HMCN1: variants seen among roughly 807,000 people sequenced by gnomAD.
HMCN1 encodes the protein hemicentin 1.
HMCN1 carries 321 observed loss-of-function variants against 625.9 expected under a neutral mutation model. The observed-to-expected ratio is 0.51, with a 90% CI of 0.47 to 0.56. The LOEUF is 0.56. Among genes scored for constraint, HMCN1 ranks in the 20% least tolerant of loss-of-function variants. HMCN1 has a pLI of 0.00. For synonymous variants in HMCN1, 2,425 were observed against 2,417.6 expected (o/e 1.00, Z -0.09); for missense variants, 6,588 against 6,887.3 (o/e 0.96, Z 1.54).
chr1:185,823,354 T>C (rs1048233376), intron 1 of HMCN1, among the ~76,000 whole-genome samples: 1 of 152,166 alleles, frequency 6.6e-6, no homozygotes, highest in African/African-American at 2.4e-5. Context: ...TTCTGTAATA[T>C]ACAAGGCAAA....
intron 11 of HMCN1, among the ~76,000 whole-genome samples, chr1:185,946,923 T>G (rs1428586091): frequency 6.6e-6 from 1 of 152,192 alleles, no homozygotes; most frequent in Non-Finnish European, 1.5e-5. Flanking sequence ...TGATGCATAT[T>G]TGCCATTAAG....
intron 81 of HMCN1, 51 bp downstream of exon 81, chr1:186,123,271 G>T (rs1462510126): frequency 6.3e-7 from 1 of 1,579,426 alleles, no homozygotes; most frequent in Non-Finnish European, 8.6e-7. Flanking sequence ...CCATGGCAAA[G>T]AGAAAAGGCT....
rs184482908 is a variant in HMCN1 at position 185,856,443 on chromosome 1, G to A, written c.340-8027G>A. 3.9e-4 allele frequency among the ~76,000 whole-genome samples: 58 copies of A among 150,316 alleles called. No individual in the cohort carries two copies. The East Asian group carries it at 0.01, about 26-fold the overall frequency. ...AGGTGGAGTTGCGGTGAGTGAGATC[G>A]CGCCACTGCACTCCAGCCTGGGCGA... is the stretch of plus-strand genomic sequence containing the variant. On this transcript the variant is annotated intron_variant, in intron 2 of 106. Transcript: ENST00000271588.
At chr1:185,988,707 G>A (rs781605638) in intron 20 of HMCN1, among the ~76,000 whole-genome samples, 2 of 152,148 alleles carry the variant, frequency 1.3e-5, no homozygotes, top group Non-Finnish European at 2.9e-5. Context: ...CTAGAGCCTC[G>A]CTGCTGGATT....
chr1:185,892,662 G>C (rs968426775), intron 4 of HMCN1, among the ~76,000 whole-genome samples: 1 of 152,054 alleles, frequency 6.6e-6, no homozygotes, highest in Non-Finnish European at 1.5e-5. Context: ...GAGGCAGTCT[G>C]CCCGTTCTCA....
intron 100 of HMCN1, 110 bp downstream of exon 100, chr1:186,167,052 T>C: frequency 7.4e-7 from 1 of 1,356,632 alleles, no homozygotes; most frequent in Non-Finnish European, 1.0e-6. Flanking sequence ...AGGGACCACA[T>C]AAAAGGGAGA....
chr1:186,030,207 T>C lies in HMCN1; in HGVS notation c.5749+7054T>C, dbSNP rs576888374. On this transcript the variant is annotated intron_variant, in intron 36 of 106. Transcript: ENST00000271588. Reference sequence around the variant, plus strand: ...TGGTGGAGTAGTCTATGTGTGCCACTTGCGTTATAGGTTGTGCAAGTCTTC... The same window carrying C: ...TGGTGGAGTAGTCTATGTGTGCCACCTGCGTTATAGGTTGTGCAAGTCTTC... 7.9e-5 allele frequency among the ~76,000 whole-genome samples: 12 copies of C among 152,264 alleles called. No individual in the cohort carries two copies. In the South Asian group the frequency reaches 2.5e-3, roughly 32 times the overall value.
intron 45 of HMCN1, 70 bp from the exon 46 acceptor site, chr1:186,057,164 A>G (rs1160853416): frequency 1.6e-6 from 2 of 1,212,716 alleles, no homozygotes; most frequent in Non-Finnish European, 2.4e-6. Flanking sequence ...GATATACAAC[A>G]TCAGGTATAT....
intron 15 of HMCN1, among the ~76,000 whole-genome samples, chr1:185,973,976 A>C (rs1439140377): frequency 6.6e-6 from 1 of 152,186 alleles, no homozygotes; most frequent in African/African-American, 2.4e-5. Flanking sequence ...GAGTATATAT[A>C]TATTTAATTT....
chr1:186,032,672 A>G (rs1241685905), intron 36 of HMCN1, among the ~76,000 whole-genome samples: 1 of 152,026 alleles, frequency 6.6e-6, no homozygotes, highest in South Asian at 2.1e-4. Context: ...TCTTTCCTTT[A>G]TAAATTACCC....
chr1:186,045,925 C>T (rs921448961), intron 41 of HMCN1, 62 bp downstream of exon 41: 8 of 1,209,748 alleles, frequency 6.6e-6, no homozygotes, highest in African/African-American at 1.5e-5. Flanking sequence ...TTTGGTATTA[C>T]CCTATTTAGC....
At chr1:185,954,616 T>C (rs1338384895) in intron 11 of HMCN1, among the ~76,000 whole-genome samples, 1 of 152,076 alleles carries the variant, frequency 6.6e-6, no homozygotes, top group Non-Finnish European at 1.5e-5. Flanking sequence ...TAAAAACATC[T>C]AAAAATGTAT....
intron 57 of HMCN1, among the ~76,000 whole-genome samples, chr1:186,085,314 T>C (rs540040274): frequency 5.9e-5 from 9 of 152,208 alleles, no homozygotes; most frequent in Admixed American, 2.0e-4. Flanking sequence ...GGCCGGAAAG[T>C]CCAAGATCAA....
At chr1:186,021,315 G>C (rs1288723273) in intron 35 of HMCN1, among the ~76,000 whole-genome samples, 1 of 152,044 alleles carries the variant, frequency 6.6e-6, no homozygotes, top group Non-Finnish European at 1.5e-5. Flanking sequence ...CAAGTTTGAG[G>C]TGAGAAAACT....
chr1:185,737,973 A>T (rs1398093447), intron 1 of HMCN1, among the ~76,000 whole-genome samples: 1 of 152,202 alleles, frequency 6.6e-6, no homozygotes, highest in East Asian at 1.9e-4. Flanking sequence ...ATGTGCATGT[A>T]AGAAGCGCTG....
intron 100 of HMCN1, among the ~76,000 whole-genome samples, chr1:186,168,815 C>G (rs563041824): frequency 6.6e-6 from 1 of 152,056 alleles, no homozygotes; most frequent in African/African-American, 2.4e-5. Context: ...ACAGAAAGTG[C>G]AGGTTTGTTA....
chr1:185,922,658 G>A (rs1031774180), intron 7 of HMCN1, among the ~76,000 whole-genome samples, 159 bp downstream of exon 7: 2 of 152,160 alleles, frequency 1.3e-5, no homozygotes, highest in Non-Finnish European at 2.9e-5. Flanking sequence ...TTCTCAAAGT[G>A]TAATCCCAAG....
At chr1:185,906,377 G>A (rs1200248160) in intron 4 of HMCN1, among the ~76,000 whole-genome samples, 1 of 151,800 alleles carries the variant, frequency 6.6e-6, no homozygotes, top group African/African-American at 2.4e-5. Context: ...ATCCCTTTGT[G>A]AAAGCCTCAT....
chr1:185,945,489 C>G (rs964470484), intron 11 of HMCN1, among the ~76,000 whole-genome samples: 1 of 152,098 alleles, frequency 6.6e-6, no homozygotes. Context: ...ACATCCATCT[C>G]CTCAAAAAGC....
Sources: gnomAD v4.1 joint callset for allele counts (sites outside exome capture counted in the v4.1 genomes callset) on GRCh38, gnomAD v4.1.1 for gene constraint, MANE v1.5 for transcripts, NCBI Gene and HGNC (gene_info 2026-07-23, HGNC 2026-07-21) for gene names.